Variants in CDS2 observed in about 807,000 individuals in gnomAD.
CDS2 encodes phosphatidate cytidylyltransferase 2.
Under a neutral mutation model 59.0 loss-of-function variants are expected in CDS2, and 47 were observed. The observed-to-expected ratio is 0.80, with a 90% CI of 0.63 to 1.02. The LOEUF is 1.02. Among genes scored for constraint, CDS2 ranks in the 50% least tolerant of loss-of-function variants. The pLI is 0.00. For synonymous variants in CDS2, 207 were observed against 206.4 expected, an observed-to-expected ratio of 1.00 and a Z score of -0.02; for missense variants, 356 against 558.9, an observed-to-expected ratio of 0.64 and a Z score of 3.66.
chr20:5,168,680 C>A (rs769957668), intron 1 of CDS2: 1 of 516,344 alleles, frequency 1.9e-6, no homozygotes, highest in Non-Finnish European at 3.9e-6. Flanking sequence ...AGCCTCCCAC[C>A]AGGCTGGCAG....
intron 1 of CDS2, among the ~76,000 whole-genome samples, chr20:5,131,092 TAAAA>T (rs1049352468): frequency 1.9e-5 from 2 of 105,114 alleles, no homozygotes; most frequent in African/African-American, 3.5e-5. Context: ...GACTCTGTCT[TAAAA>T]AAAAAAAAAA....
At chr20:5,179,533 G>A (rs1030089470) in intron 5 of CDS2, among the ~76,000 whole-genome samples, 1 of 152,236 alleles carries the variant, frequency 6.6e-6, no homozygotes, top group African/African-American at 2.4e-5. Flanking sequence ...GTCCTGTCCT[G>A]ACTCTCCTGT....
At chr20:5,152,020 T>A (rs2090795282) in intron 1 of CDS2, among the ~76,000 whole-genome samples, 1 of 151,004 alleles carries the variant, frequency 6.6e-6, no homozygotes, top group African/African-American at 2.4e-5. Context: ...TGCCTCAGCC[T>A]CCCAAAGTGC....
rs57378947 is a variant in CDS2, at chr20:5,151,750, C to CTTTTT, written c.58-21746_58-21742dup. 2.4e-3 allele frequency among the ~76,000 whole-genome samples: 127 copies of CTTTTT among 53,186 alleles called. 9 individuals carry two copies. The highest frequency in any genetic ancestry group is 3.9e-3 in the African/African-American group (66 of 17,002). The allele number at this position is 53,186 out of a possible 152,430, so 34.9% of individuals were successfully genotyped here. ...ACCATGCCTGGCCTAGACTCCATGT[C>CTTTTT]TTTTTTTTTTTTTTTTTTTTTTTTT... On this transcript the variant is annotated intron_variant, in intron 1 of 12. Coordinates refer to ENST00000460006, the MANE Select transcript of CDS2 (RefSeq NM_003818.4).
chr20:5,143,336 G>C lies in CDS2; in HGVS notation c.57+16187G>C, dbSNP rs79650032. 3.1e-3 allele frequency among the ~76,000 whole-genome samples: 470 copies of C among 152,294 alleles called. 2 individuals are homozygous for C. The highest frequency in any genetic ancestry group is 0.011 in the African/African-American group (440 of 41,560). ...AGAGGACCTTTCATAGACTGCTTGA[G>C]GGAGTATAGATTGGCACAATCATTC... On this transcript the variant is annotated intron_variant, in intron 1 of 12. Transcript: ENST00000460006.
At position 5,175,169 on chromosome 20, in the gene CDS2, G is replaced by C; in HGVS notation, c.195-14G>C. 6.2e-7 allele frequency: 1 copy of C among 1,604,704 alleles called. No homozygotes were observed. The highest frequency in any genetic ancestry group is 8.5e-7 in the Non-Finnish European group (1 of 1,171,574). ...CTAACTGGTGTTTTCTCCTTCCCCTGCTCTCTGACCTAGATGGAAGAACTG... is the reference window on the plus strand; with the variant it reads ...CTAACTGGTGTTTTCTCCTTCCCCTCCTCTCTGACCTAGATGGAAGAACTG... On this transcript the variant is annotated splice_polypyrimidine_tract_variant and intron_variant, in intron 2 of 12. Transcript: ENST00000460006.
At chr20:5,154,485 A>G (rs1568533762) in intron 1 of CDS2, among the ~76,000 whole-genome samples, 1 of 152,174 alleles carries the variant, frequency 6.6e-6, no homozygotes, top group East Asian at 1.9e-4. Flanking sequence ...ATTCGTCCAA[A>G]TGGAGGAGAT....
intron 1 of CDS2, among the ~76,000 whole-genome samples, chr20:5,158,705 G>A (rs1006915266): frequency 5.3e-5 from 8 of 152,192 alleles, no homozygotes; most frequent in Non-Finnish European, 1.0e-4. Context: ...TGGAGTGACA[G>A]AATGAGAACA....
At chr20:5,143,878 C>T (rs1337721352) in intron 1 of CDS2, among the ~76,000 whole-genome samples, 1 of 151,070 alleles carries the variant, frequency 6.6e-6, no homozygotes, top group Non-Finnish European at 1.5e-5. Context: ...GATTTTTGTG[C>T]CTTAGCCTCC....
intron 1 of CDS2, among the ~76,000 whole-genome samples, chr20:5,167,586 T>C (rs1053841603): frequency 1.3e-5 from 2 of 152,230 alleles, no homozygotes; most frequent in African/African-American, 4.8e-5. Flanking sequence ...GGAACTCAGA[T>C]GAAAGCCTAC....
intron 4 of CDS2, among the ~76,000 whole-genome samples, chr20:5,178,463 G>A (rs945512954): frequency 2.6e-5 from 4 of 152,310 alleles, no homozygotes; most frequent in Middle Eastern, 3.4e-3. Flanking sequence ...TTCCTGTTGG[G>A]AAGAGTGGAA....
At chr20:5,130,757 A>G (rs1345087613) in intron 1 of CDS2, among the ~76,000 whole-genome samples, 1 of 148,126 alleles carries the variant, frequency 6.8e-6, no homozygotes, top group Admixed American at 6.8e-5. Context: ...CACTCCATCC[A>G]GCCTGGGCAA....
chr20:5,144,377 T>A (rs182986834), intron 1 of CDS2, among the ~76,000 whole-genome samples: 1 of 152,254 alleles, frequency 6.6e-6, no homozygotes, highest in Non-Finnish European at 1.5e-5. Flanking sequence ...GTTTGGGTGA[T>A]ATATTATATG....
At chr20:5,150,863 G>C (rs2090783540) in intron 1 of CDS2, among the ~76,000 whole-genome samples, 1 of 152,238 alleles carries the variant, frequency 6.6e-6, no homozygotes, top group Non-Finnish European at 1.5e-5. Flanking sequence ...GCTCCCACGT[G>C]ATTCAGTAAA....
At chr20:5,154,145 T>C (rs903966139) in intron 1 of CDS2, among the ~76,000 whole-genome samples, 3 of 152,204 alleles carry the variant, frequency 2.0e-5, no homozygotes, top group Non-Finnish European at 4.4e-5. Context: ...AGCTGTCCTG[T>C]CATCTGCAAG....
intron 9 of CDS2, 75 bp from the exon 10 acceptor site, chr20:5,186,612 C>T: frequency 6.5e-7 from 1 of 1,538,786 alleles, no homozygotes. Context: ...GGAACATGGC[C>T]AAACCAGGTG....
intron 1 of CDS2, among the ~76,000 whole-genome samples, chr20:5,172,150 T>C (rs905829847): frequency 1.3e-5 from 2 of 152,194 alleles, no homozygotes; most frequent in Non-Finnish European, 2.9e-5. Context: ...AGTGTTTTGC[T>C]GTGTGCCGTG....
At chr20:5,137,946 C>T (rs1347805878) in intron 1 of CDS2, among the ~76,000 whole-genome samples, 2 of 151,104 alleles carry the variant, frequency 1.3e-5, no homozygotes, top group Admixed American at 6.6e-5. Flanking sequence ...CTACAGGCAC[C>T]CGCCACCATG....
chr20:5,166,091 C>T (rs1320231686), intron 1 of CDS2, among the ~76,000 whole-genome samples: 4 of 152,014 alleles, frequency 2.6e-5, no homozygotes, highest in Non-Finnish European at 4.4e-5. Flanking sequence ...GTTGCAGTGG[C>T]GAGAGCGTAG....
Sources: gnomAD v4.1 joint callset for allele counts (sites outside exome capture counted in the v4.1 genomes callset) on GRCh38, gnomAD v4.1.1 for gene constraint, MANE v1.5 for transcripts, NCBI Gene and HGNC (gene_info 2026-07-23, HGNC 2026-07-21) for gene names.